ZNF236: variants seen among roughly 807,000 people sequenced by gnomAD.
ZNF236 encodes zinc finger protein 236, also known as regulated by glucose.
Under a neutral mutation model 191.2 loss-of-function variants are expected in ZNF236, and 50 were observed. The observed-to-expected ratio is 0.26, with a 90% CI of 0.21 to 0.33. The LOEUF is 0.33. Ranked by LOEUF, ZNF236 falls within the 10% of genes least tolerant of loss-of-function variation. The probability of loss-of-function intolerance (pLI) is 1.00; values close to 1 mark genes in which losing one functional copy is unlikely to be tolerated. For synonymous variants in ZNF236, 907 were observed against 928.8 expected, an observed-to-expected ratio of 0.98 and a Z score of 0.43; for missense variants, 1,754 against 2,374.5, an observed-to-expected ratio of 0.74 and a Z score of 5.43.
intron 3 of ZNF236, among the ~76,000 whole-genome samples, chr18:76,859,413 C>T (rs989420692): frequency 1.3e-5 from 2 of 152,076 alleles, no homozygotes; most frequent in South Asian, 2.1e-4. Context: ...CAAGGGTCTG[C>T]GTATTAACCA....
chr18:76,869,631 TA>T (rs1448519719), intron 4 of ZNF236, among the ~76,000 whole-genome samples: 1 of 152,210 alleles, frequency 6.6e-6, no homozygotes, highest in African/African-American at 2.4e-5. Flanking sequence ...GTTTTCACAC[TA>T]ATTTAGCTAA....
rs372887944 is a variant in ZNF236, at chr18:76,919,494, CATT to C, written c.3275-280_3275-278del. ...CTAGTCACCCTACTCTGCTATCAAA[CATT>C]AGAGCTTATTCCTTCTATCTAAGCG... On this transcript the variant is annotated intron_variant, in intron 19 of 30. Transcript: ENST00000320610. This position sits in a 1 kb window ranked among gnomAD's most constrained non-coding sequence, Gnocchi z 5.3. Among the ~76,000 whole-genome samples, 421 of 152,274 alleles carry C rather than the reference CATT, an allele frequency of 2.8e-3. 1 individual carries two copies. Among genetic ancestry groups the C allele is most frequent in the Middle Eastern group, 0.017 (5 of 294 alleles).
intron 26 of ZNF236, among the ~76,000 whole-genome samples, 177 bp from the exon 27 acceptor site, chr18:76,947,336 CATTTCTGT>C (rs768647098): frequency 4.4e-4 from 67 of 152,296 alleles, no homozygotes; most frequent in Non-Finnish European, 8.1e-4. Flanking sequence ...CTCCTGTGGA[CATTTCTGT>C]ACAAGGCTTC....
Position 76,915,672 on chromosome 18 carries a change from G to A in ZNF236, c.3087G>A (p.Val1029=), listed in dbSNP as rs1159446477. 20 of 1,614,056 alleles carry A rather than the reference G, an allele frequency of 1.2e-5. No homozygotes were observed. The highest frequency in any genetic ancestry group is 1.7e-5 in the Admixed American group (1 of 60,008). ...GAGTGAAGGCGTTCAGCTGCAGTGT[G>A]TGCAATGCTTCCTTCACCACCAATG... ...HTGVKAFSCS[V]CNASFTTNGS... is the part of the protein sequence containing the mutation. Residue 1029 remains valine (V), a synonymous_variant, in exon 19 of 31, where the codon GTG becomes GTA. Coordinates refer to ENST00000320610, the MANE Select transcript of ZNF236 (RefSeq NM_001306089.2).
chr18:76,850,383 A>C (rs1370157969), intron 2 of ZNF236, among the ~76,000 whole-genome samples: 1 of 152,122 alleles, frequency 6.6e-6, no homozygotes, highest in Non-Finnish European at 1.5e-5. Context: ...ATATAATATA[A>C]ATATAATATA....
intron 21 of ZNF236, among the ~76,000 whole-genome samples, chr18:76,924,539 G>A (rs1442781652): frequency 6.6e-6 from 1 of 152,190 alleles, no homozygotes; most frequent in Non-Finnish European, 1.5e-5. Flanking sequence ...ACAGTAGAGG[G>A]GAAAAGCCAG....
At chr18:76,963,121 G>T (rs1352785895) in intron 30 of ZNF236, among the ~76,000 whole-genome samples, 1 of 152,182 alleles carries the variant, frequency 6.6e-6, no homozygotes, top group Non-Finnish European at 1.5e-5. Context: ...TGTTGAAGAG[G>T]AGTAGTGAGA....
At chr18:76,952,168 C>T (rs1374648486) in intron 27 of ZNF236, among the ~76,000 whole-genome samples, 1 of 152,168 alleles carries the variant, frequency 6.6e-6, no homozygotes, top group Non-Finnish European at 1.5e-5. Flanking sequence ...AGTAGACTTG[C>T]TCGAAGCAGC....
intron 7 of ZNF236, among the ~76,000 whole-genome samples, chr18:76,879,595 G>C (rs183276539): frequency 6.6e-6 from 1 of 152,204 alleles, no homozygotes; most frequent in Non-Finnish European, 1.5e-5. Context: ...GGACATTTCG[G>C]ATTCCCGAGC....
At chr18:76,883,386 T>TA (rs1213898267) in intron 9 of ZNF236, among the ~76,000 whole-genome samples, 21 of 104,774 alleles carry the variant, frequency 2.0e-4, no homozygotes, top group African/African-American at 6.2e-4. Flanking sequence ...TTTTTTTTTT[T>TA]AAGTGACCTC....
chr18:76,887,781 G>A (rs1001208297), intron 9 of ZNF236, among the ~76,000 whole-genome samples: 2 of 152,134 alleles, frequency 1.3e-5, no homozygotes, highest in African/African-American at 4.8e-5. Flanking sequence ...AGTGTCAAGA[G>A]AACAGCACAG....
At chr18:76,830,799 T>C (rs1482683584) in intron 1 of ZNF236, among the ~76,000 whole-genome samples, 5 of 152,240 alleles carry the variant, frequency 3.3e-5, no homozygotes, top group African/African-American at 4.8e-5. Context: ...TAGTGGTATC[T>C]CATTTTGATT....
Position 76,880,219 on chromosome 18 carries a change from T to C in ZNF236, c.1091T>C (p.Leu364Pro). ...GTGAGCGACGTCATCCAGCAGCTCC[T>C]GGAGCTCTCAGAGCCGGCGCCGGTG... ...QAVSDVIQQLLELSEPAPVES... is the reference protein window; with the variant it reads ...QAVSDVIQQLPELSEPAPVES... Residue 364 changes from leucine to proline, a missense_variant, in exon 8 of 31, where the codon CTG becomes CCG. Leu to Pro is a moderately conservative substitution (Grantham distance 98). Coordinates refer to ENST00000320610, the MANE Select transcript of ZNF236 (RefSeq NM_001306089.2). This position sits in a 1 kb window ranked among gnomAD's most constrained non-coding sequence, Gnocchi z 5.0. The C allele has an allele frequency of 1.2e-6, 2 of 1,614,126 alleles. No homozygotes were observed. Among genetic ancestry groups the C allele is most frequent in the South Asian group, 2.2e-5 (2 of 91,082 alleles).
intron 18 of ZNF236, 39 bp from the exon 19 acceptor site, chr18:76,915,608 G>A (rs1967335453): frequency 1.9e-6 from 3 of 1,600,018 alleles, no homozygotes; most frequent in African/African-American, 2.7e-5. Flanking sequence ...AGTGAAATAG[G>A]ATTGGTTCCA....
intron 30 of ZNF236, among the ~76,000 whole-genome samples, chr18:76,966,377 TGATTA>T (rs1409652226): frequency 2.0e-5 from 3 of 152,066 alleles, no homozygotes; most frequent in African/African-American, 7.2e-5. Flanking sequence ...ACACAGAATT[TGATTA>T]GATTAAATTT....
intron 27 of ZNF236, among the ~76,000 whole-genome samples, chr18:76,952,051 G>T (rs778205207): frequency 6.6e-6 from 1 of 152,130 alleles, no homozygotes; most frequent in Admixed American, 6.6e-5. Context: ...GCTAATCACA[G>T]ATCACTGTAA....
chr18:76,834,270 T>C (rs1030394349), intron 1 of ZNF236, among the ~76,000 whole-genome samples: 10 of 152,212 alleles, frequency 6.6e-5, no homozygotes, highest in African/African-American at 2.4e-4. Flanking sequence ...TTTAACAATC[T>C]TCTCAAAGAT....
intron 18 of ZNF236, among the ~76,000 whole-genome samples, chr18:76,915,204 G>A (rs937824): frequency 0.26 from 40,232 of 152,124 alleles, 5,864 homozygotes; most frequent in East Asian, 0.32. Flanking sequence ...CTGTATAGAA[G>A]ATTTATAGAC....
chr18:76,899,138 A>G lies in ZNF236; in HGVS notation c.1810A>G (p.Lys604Glu). Residue 604 changes from lysine to glutamate, a missense_variant, in exon 11 of 31, where the codon AAA (lysine) becomes GAA (glutamate). Lys to Glu is a moderately conservative substitution (Grantham distance 56, BLOSUM62 1). Around this residue, in one of 5 missense-constraint regions of ZNF236, gnomAD observed 641 missense variants for 869.6 expected, o/e 0.74. Coordinates refer to ENST00000320610, the MANE Select transcript of ZNF236 (RefSeq NM_001306089.2). ...TELRKMRHQR[K>E]PAKVRVGKTN... ...ATTAAGGAAAATGAGGCACCAGCGT[A>G]AACCTGCAAAGGTCCGTGTTGGCAA... The G allele has an allele frequency of 6.2e-7, 1 of 1,614,228 alleles. No individual in the cohort carries two copies.
Sources: allele counts gnomAD v4.1 joint callset (sites outside exome capture counted in the v4.1 genomes callset), GRCh38; gene constraint gnomAD v4.1.1; regional missense constraint gnomAD v4.1.1; non-coding constraint Gnocchi (gnomAD v3.1); transcripts MANE v1.5; gene names NCBI Gene and HGNC (gene_info 2026-07-23, HGNC 2026-07-21).